MDGA2: variants seen among roughly 807,000 people sequenced by gnomAD.
MDGA2 encodes the protein MAM domain containing glycosylphosphatidylinositol anchor 2.
A neutral mutation model predicts 117.8 loss-of-function variants in MDGA2; 40 were observed. That is an observed-to-expected ratio of 0.34 (90% confidence interval 0.26 to 0.44). The LOEUF is 0.44. Ranked by LOEUF, MDGA2 falls within the 20% of genes least tolerant of loss-of-function variation. MDGA2 has a pLI of 1.00. For synonymous variants in MDGA2, 452 were observed against 439.0 expected, an observed-to-expected ratio of 1.03 and a Z score of -0.37; for missense variants, 1,123 against 1,250.6, an observed-to-expected ratio of 0.90 and a Z score of 1.54.
chr14:47,652,935 C>G (rs1169499526), intron 1 of MDGA2, among the ~76,000 whole-genome samples: 1 of 152,118 alleles, frequency 6.6e-6, no homozygotes, highest in Admixed American at 6.6e-5. Flanking sequence ...CAGATTCTTA[C>G]TACACCATGG....
Position 47,290,834 on chromosome 14 carries a change from G to C in MDGA2, c.420+10577C>G, listed in dbSNP as rs952991749. Among the ~76,000 whole-genome samples, 8 of 151,742 alleles carry C rather than the reference G, an allele frequency of 5.3e-5. No individual in the cohort carries two copies. The East Asian group carries it at 1.5e-3, about 29-fold the overall frequency. ...CAATATAAGAAAGTGTGATTCCTCT[G>C]GTCATTGCTTAGAGTAACAGACTCC... is the stretch of plus-strand genomic sequence containing the variant. On this transcript the variant is annotated intron_variant, in intron 2 of 16. Coordinates refer to ENST00000399232, the MANE Select transcript of MDGA2 (RefSeq NM_001113498.3).
At chr14:47,355,515 T>C (rs1208402125) in intron 1 of MDGA2, among the ~76,000 whole-genome samples, 2 of 152,198 alleles carry the variant, frequency 1.3e-5, no homozygotes, top group African/African-American at 4.8e-5. Context: ...CTATGTCCAG[T>C]GTTTTATGGC....
chr14:47,590,555 C>A (rs1370776178), intron 1 of MDGA2, among the ~76,000 whole-genome samples: 2 of 151,528 alleles, frequency 1.3e-5, no homozygotes, highest in African/African-American at 4.8e-5. Context: ...ATTAAAATAC[C>A]AAGAATATAA....
chr14:47,300,722 C>A (rs1045871906), intron 2 of MDGA2, among the ~76,000 whole-genome samples: 1 of 151,234 alleles, frequency 6.6e-6, no homozygotes, highest in Non-Finnish European at 1.5e-5. Context: ...TGGTCGCCAA[C>A]TTCTGGCCTC....
rs1485968377 is a variant in MDGA2 at position 47,243,566 on chromosome 14, G to GT, written c.421-25372_421-25371insA. Among the ~76,000 whole-genome samples, 3 of 151,504 alleles carry GT rather than the reference G, an allele frequency of 2.0e-5. 1 individual carries two copies. Among genetic ancestry groups the GT allele is most frequent in the Non-Finnish European group, 4.4e-5 (3 of 67,714 alleles). ...CAGCGAGACCACGAGCCCACCAGGA[G>GT]GAACGAGCAACTCCAGACGCGCTAC... On this transcript the variant is annotated intron_variant, in intron 2 of 16. Coordinates refer to ENST00000399232, the MANE Select transcript of MDGA2 (RefSeq NM_001113498.3).
At chr14:46,903,298 T>A (rs1254966891) in intron 10 of MDGA2, among the ~76,000 whole-genome samples, 1 of 152,196 alleles carries the variant, frequency 6.6e-6, no homozygotes, top group East Asian at 1.9e-4. Flanking sequence ...TTAGAATATA[T>A]TTTAACAGAA....
At chr14:47,545,914 G>A (rs1321548273) in intron 1 of MDGA2, among the ~76,000 whole-genome samples, 2 of 152,058 alleles carry the variant, frequency 1.3e-5, no homozygotes, top group African/African-American at 4.8e-5. Flanking sequence ...TTATGAACAG[G>A]TTGTATTTTA....
intron 1 of MDGA2, among the ~76,000 whole-genome samples, chr14:47,443,188 A>C (rs1893049210): frequency 6.6e-6 from 1 of 152,178 alleles, no homozygotes; most frequent in African/African-American, 2.4e-5. Flanking sequence ...ATGAAATTGT[A>C]AAGAGGCAAA....
intron 1 of MDGA2, chr14:47,444,524 G>C (rs1893081527): frequency 5.9e-6 from 1 of 169,274 alleles, no homozygotes; most frequent in Non-Finnish European, 1.3e-5. Flanking sequence ...GGTGGAAAAA[G>C]GACAGAAGTA....
At chr14:47,482,078 G>C (rs1014151240) in intron 1 of MDGA2, among the ~76,000 whole-genome samples, 6 of 151,976 alleles carry the variant, frequency 3.9e-5, no homozygotes, top group African/African-American at 1.4e-4. Flanking sequence ...TTTCCAGTTA[G>C]AATTTATCAT....
chr14:47,343,611 A>G lies in MDGA2; in HGVS notation c.281-42061T>C, dbSNP rs563513264. 3.3e-5 allele frequency among the ~76,000 whole-genome samples: 5 copies of G among 152,318 alleles called. No individual in the cohort carries two copies. In the South Asian group the frequency reaches 1.0e-3, roughly 32 times the overall value. Reference sequence around the variant, plus strand: ...CTAACAAAAAGGAAGACCCAAAGGAACAAAGATGCCATTTTCATTAATTAT... The same window carrying G: ...CTAACAAAAAGGAAGACCCAAAGGAGCAAAGATGCCATTTTCATTAATTAT... On this transcript the variant is annotated intron_variant, in intron 1 of 16. Transcript: ENST00000399232.
intron 2 of MDGA2, among the ~76,000 whole-genome samples, chr14:47,266,758 A>G (rs1244413029): frequency 6.6e-6 from 1 of 152,100 alleles, no homozygotes; most frequent in African/African-American, 2.4e-5. Context: ...TCTCTGCCTG[A>G]GGTGCTAATC....
At position 46,999,710 on chromosome 14, in the gene MDGA2, C is replaced by T. The variant is rs186917599; in HGVS notation, c.1819+35301G>A. ...CTTCCCTCGTCTGACAGCTTGGAAA[C>T]CAAAAAGAAGGCACTCCTCCACCCC... On this transcript the variant is annotated intron_variant, in intron 8 of 16. Transcript: ENST00000399232. 2.5e-3 allele frequency among the ~76,000 whole-genome samples: 383 copies of T among 152,084 alleles called. 3 individuals are homozygous for T. The highest frequency in any genetic ancestry group is 3.8e-3 in the Non-Finnish European group (258 of 67,964).
intron 1 of MDGA2, among the ~76,000 whole-genome samples, chr14:47,320,493 C>G (rs1021273853): frequency 1.3e-5 from 2 of 152,132 alleles, no homozygotes; most frequent in African/African-American, 4.8e-5. Flanking sequence ...ATGATAGCAT[C>G]CGATACATCT....
At chr14:47,419,204 G>A (rs1221114209) in intron 1 of MDGA2, among the ~76,000 whole-genome samples, 1 of 152,132 alleles carries the variant, frequency 6.6e-6, no homozygotes, top group Non-Finnish European at 1.5e-5. Flanking sequence ...AAGAAGAAAG[G>A]AGGATTATAG....
intron 10 of MDGA2, among the ~76,000 whole-genome samples, chr14:46,885,625 G>A (rs374956658): frequency 2.6e-5 from 4 of 152,110 alleles, no homozygotes; most frequent in African/African-American, 9.7e-5. Flanking sequence ...CCAGAGGATT[G>A]GGGTGGGAAA....
At chr14:46,890,829 A>C (rs1882853103) in intron 10 of MDGA2, among the ~76,000 whole-genome samples, 1 of 152,158 alleles carries the variant, frequency 6.6e-6, no homozygotes, top group African/African-American at 2.4e-5. Flanking sequence ...CGATCACAGA[A>C]ATAGAAGTAA....
intron 8 of MDGA2, among the ~76,000 whole-genome samples, chr14:46,973,715 A>G (rs1156548321): frequency 1.3e-5 from 2 of 152,116 alleles, no homozygotes; most frequent in Non-Finnish European, 2.9e-5. Context: ...CCCCAATCTA[A>G]TGGCATCCAA....
At chr14:46,940,276 T>C (rs546692908) in intron 9 of MDGA2, among the ~76,000 whole-genome samples, 1 of 152,304 alleles carries the variant, frequency 6.6e-6, no homozygotes, top group South Asian at 2.1e-4. Context: ...ATAATAAATA[T>C]ACTATAAGCT....
Sources: gnomAD v4.1 joint callset for allele counts (sites outside exome capture counted in the v4.1 genomes callset) on GRCh38, gnomAD v4.1.1 for gene constraint, MANE v1.5 for transcripts, NCBI Gene and HGNC (gene_info 2026-07-23, HGNC 2026-07-21) for gene names.